Variants in WDR72 observed in about 807,000 individuals in gnomAD.
The protein encoded by WDR72 is WD repeat-containing protein 72.
WDR72 carries 120 observed loss-of-function variants against 124.2 expected under a neutral mutation model. The ratio of observed to expected loss-of-function variants is 0.97; its 90% CI spans 0.83 to 1.12. The LOEUF (loss-of-function observed/expected upper bound fraction) is 1.12, where lower values mean the gene tolerates loss of function less well. WDR72 is among the 50% of genes most tolerant of loss of function. The probability of loss-of-function intolerance (pLI) is 0.00; values close to 1 mark genes in which losing one functional copy is unlikely to be tolerated. For synonymous variants in WDR72, 452 were observed against 441.7 expected (o/e 1.02, Z -0.29); for missense variants, 1,387 against 1,278.8 (o/e 1.08, Z -1.29).
intron 1 of WDR72, among the ~76,000 whole-genome samples, chr15:53,744,891 T>C (rs1033550714): frequency 1.3e-5 from 2 of 152,176 alleles, no homozygotes; most frequent in African/African-American, 4.8e-5. Context: ...AAGTATATTC[T>C]GGGGAACGTA....
chr15:53,553,460 T>C (rs115092261), intron 18 of WDR72, among the ~76,000 whole-genome samples: 55 of 152,292 alleles, frequency 3.6e-4, no homozygotes, highest in African/African-American at 1.2e-3. Context: ...TGTAAAGTGA[T>C]ATTTATAGAA....
chr15:53,551,972 G>A (rs548377736), intron 18 of WDR72, among the ~76,000 whole-genome samples: 1 of 152,228 alleles, frequency 6.6e-6, no homozygotes, highest in South Asian at 2.1e-4. Flanking sequence ...TTTGAGATCA[G>A]AGTGGGAAAG....
chr15:53,582,910 C>A (rs2012007317), intron 18 of WDR72, among the ~76,000 whole-genome samples: 1 of 151,804 alleles, frequency 6.6e-6, no homozygotes, highest in Admixed American at 6.6e-5. Context: ...TTAAAATGGG[C>A]AATATATTTT....
chr15:53,573,634 C>T (rs540717055), intron 18 of WDR72, among the ~76,000 whole-genome samples: 6 of 152,256 alleles, frequency 3.9e-5, no homozygotes, highest in African/African-American at 1.2e-4. Context: ...CAACCTCCAC[C>T]TCCCGTGTTC....
At chr15:53,590,477 T>A (rs2012440735) in intron 18 of WDR72, among the ~76,000 whole-genome samples, 1 of 152,120 alleles carries the variant, frequency 6.6e-6, no homozygotes, top group Non-Finnish European at 1.5e-5. Context: ...GAGAATCTTT[T>A]TTTTCTGTTG....
At chr15:53,629,305 T>C (rs1037047912) in intron 14 of WDR72, among the ~76,000 whole-genome samples, 19 of 152,054 alleles carry the variant, frequency 1.2e-4, no homozygotes, top group Non-Finnish European at 2.4e-4. Context: ...ACCAAACTTC[T>C]ATAACACAGG....
chr15:53,715,481 G>A, intron 4 of WDR72, 114 bp from the exon 5 acceptor site: 2 of 1,248,544 alleles, frequency 1.6e-6, no homozygotes, highest in East Asian at 2.5e-5. Context: ...TTAAGGTATT[G>A]AACTGAATAG....
chr15:53,711,494 G>A lies in WDR72; in HGVS notation c.712-13C>T. The A allele has an allele frequency of 6.2e-7, 1 of 1,613,720 alleles. No homozygotes were observed. Among genetic ancestry groups the A allele is most frequent in the Non-Finnish European group, 8.5e-7 (1 of 1,179,920 alleles). ...AATAATCATAAACCTAAAATATGAA[G>A]TTGATGCACATTATCAAAGGCTTAA... On this transcript the variant is annotated splice_polypyrimidine_tract_variant and intron_variant, in intron 7 of 19. Coordinates refer to ENST00000360509, the MANE Select transcript of WDR72 (RefSeq NM_182758.4).
chr15:53,697,641 A>T (rs1179130873), intron 13 of WDR72, among the ~76,000 whole-genome samples: 1 of 152,112 alleles, frequency 6.6e-6, no homozygotes, highest in East Asian at 1.9e-4. Context: ...CACCTCTATA[A>T]ATAGTCCTTT....
At chr15:53,540,551 C>G (rs1387242297) in intron 18 of WDR72, among the ~76,000 whole-genome samples, 2 of 120,538 alleles carry the variant, frequency 1.7e-5, no homozygotes, top group Non-Finnish European at 3.5e-5. Context: ...CATAACAATA[C>G]AGCAAACCAA....
intron 18 of WDR72, among the ~76,000 whole-genome samples, chr15:53,546,431 G>A (rs907052093): frequency 2.0e-5 from 3 of 149,508 alleles, no homozygotes; most frequent in African/African-American, 2.5e-5. Flanking sequence ...ACCAAACACC[G>A]CATATTCTCA....
intron 1 of WDR72, among the ~76,000 whole-genome samples, chr15:53,746,349 T>C (rs1028036045): frequency 9.2e-5 from 14 of 152,188 alleles, no homozygotes; most frequent in African/African-American, 3.4e-4. Flanking sequence ...ACCCAGACAC[T>C]GAGTCTGCTT....
intron 14 of WDR72, among the ~76,000 whole-genome samples, chr15:53,649,578 A>C: frequency 6.6e-6 from 1 of 152,116 alleles, no homozygotes; most frequent in East Asian, 1.9e-4. Flanking sequence ...GAATTCTTAC[A>C]ACTCTATAGC....
chr15:53,631,357 G>A (rs2014420945), intron 14 of WDR72, among the ~76,000 whole-genome samples: 1 of 152,186 alleles, frequency 6.6e-6, no homozygotes, highest in South Asian at 2.1e-4. Flanking sequence ...GCTTCCTGTA[G>A]AGCCTGCAGA....
intron 11 of WDR72, among the ~76,000 whole-genome samples, chr15:53,702,902 ATTT>A (rs34689229): frequency 9.0e-5 from 13 of 143,732 alleles, no homozygotes; most frequent in South Asian, 2.2e-4. Context: ...ATTTTCATTC[ATTT>A]TTTTTTTTTT....
intron 1 of WDR72, among the ~76,000 whole-genome samples, chr15:53,758,821 C>T (rs2018987169): frequency 6.8e-6 from 1 of 146,322 alleles, no homozygotes; most frequent in Non-Finnish European, 1.5e-5. Context: ...CATACACCTA[C>T]GTTTTGTTTA....
At chr15:53,604,376 C>A (rs117279848) in intron 17 of WDR72, among the ~76,000 whole-genome samples, 5,534 of 152,180 alleles carry the variant, frequency 0.036, 129 homozygotes, top group Non-Finnish European at 0.045. Context: ...ATTATAAAAA[C>A]CCTGGAAGAT....
At chr15:53,669,519 A>G (rs2015916590) in intron 13 of WDR72, among the ~76,000 whole-genome samples, 1 of 152,130 alleles carries the variant, frequency 6.6e-6, no homozygotes, top group Admixed American at 6.5e-5. Context: ...CAAATTCTTT[A>G]TGATAGTTAA....
intron 18 of WDR72, among the ~76,000 whole-genome samples, chr15:53,548,048 T>C (rs1367841006): frequency 1.3e-5 from 2 of 152,242 alleles, no homozygotes; most frequent in African/African-American, 4.8e-5. Context: ...TGGATTTGTC[T>C]GCCATATAAG....
Sources: allele counts gnomAD v4.1 joint callset (sites outside exome capture counted in the v4.1 genomes callset), GRCh38; gene constraint gnomAD v4.1.1; transcripts MANE v1.5; gene names NCBI Gene and HGNC (gene_info 2026-07-23, HGNC 2026-07-21).